Variants in ACTL8 observed in about 807,000 individuals in gnomAD.
The protein encoded by ACTL8 is actin like 8, also known as actin-like protein 8.
Under a neutral mutation model 9.3 loss-of-function variants are expected in ACTL8, and 3 were observed. The ratio of observed to expected loss-of-function variants is 0.32; its 90% confidence interval spans 0.15 to 0.83. The LOEUF (loss-of-function observed/expected upper bound fraction) is 0.83, where lower values mean the gene tolerates loss of function less well. ACTL8 is among the 40% of genes least tolerant of loss of function. The pLI, the probability that ACTL8 is intolerant of heterozygous loss-of-function variation, is 0.57. For synonymous variants in ACTL8, 224 were observed against 205.9 expected (o/e 1.09, Z -0.75); for missense variants, 381 against 492.2 (o/e 0.77, Z 2.14).
intron 2 of ACTL8, among the ~76,000 whole-genome samples, chr1:17,825,026 G>A: frequency 6.7e-6 from 1 of 149,692 alleles, no homozygotes; most frequent in Non-Finnish European, 1.5e-5. Context: ...GGATCTTTCT[G>A]CTTCTATGGG....
intron 1 of ACTL8, among the ~76,000 whole-genome samples, chr1:17,793,035 C>T (rs1419323293): frequency 1.3e-5 from 2 of 152,182 alleles, no homozygotes; most frequent in African/African-American, 4.8e-5. Context: ...GACAGTTGGT[C>T]CCCTCCCATC....
In ACTL8 at chr1:17,825,862, T is replaced by C. The variant is rs2053711683; in HGVS notation, c.444T>C (p.Val148=). The change falls in exon 3 of 3, where the codon GTT becomes GTC. Residue 148 remains valine (V), a synonymous_variant. Coordinates refer to ENST00000375406, the MANE Select transcript of ACTL8 (RefSeq NM_030812.3). ...CTGGCCTCCTGACCGGAGTGGTGGT[T>C]GATTCTGGCTATGGCCTGACCCGCG... is the stretch of plus-strand genomic sequence containing the variant. ...YASGLLTGVV[V]DSGYGLTRVQ... is the part of the protein sequence containing the mutation. The C allele has an allele frequency of 6.2e-7, 1 of 1,613,946 alleles. No homozygotes were observed. The highest frequency in any genetic ancestry group is 1.3e-5 in the African/African-American group (1 of 74,946).
intron 1 of ACTL8, among the ~76,000 whole-genome samples, chr1:17,787,866 C>T (rs1385105701): frequency 2.6e-5 from 4 of 152,178 alleles, no homozygotes; most frequent in African/African-American, 9.7e-5. Flanking sequence ...CACATTTACC[C>T]TGGTAATTTG....
intron 1 of ACTL8, among the ~76,000 whole-genome samples, chr1:17,819,470 C>T (rs993071039): frequency 6.6e-6 from 1 of 152,210 alleles, no homozygotes; most frequent in African/African-American, 2.4e-5. Context: ...CTGGCCAGGG[C>T]CAGGCCATGG....
Position 17,823,209 on chromosome 1 carries a change from C to T in ACTL8, c.201C>T (p.Ile67=), listed in dbSNP as rs143679369. The part of the protein sequence containing the change: ...ICHPDTFSYP[I]ERGRILNWEG... ...ATCCTGACACCTTTAGCTACCCCAT[C>T]GAGCGGGGCCGCATCCTCAACTGGG... Residue 67 remains isoleucine (I), a synonymous_variant, in exon 2 of 3, where the codon ATC becomes ATT. Transcript: ENST00000375406. The surrounding 1 kb of genome is among the most constrained non-coding windows in gnomAD (Gnocchi z 5.3). 109 of 1,614,184 alleles carry T rather than the reference C, an allele frequency of 6.8e-5. No homozygotes were observed. Among genetic ancestry groups the T allele is most frequent in the East Asian group, 1.3e-4 (6 of 44,864 alleles).
chr1:17,780,024 T>C lies in ACTL8; in HGVS notation c.-25+24520T>C, dbSNP rs984639847. Among the ~76,000 whole-genome samples the C allele has an allele frequency of 2.6e-5, 4 of 151,880 alleles. No homozygotes were observed. The South Asian group carries it at 8.3e-4, about 32-fold the overall frequency. ...GAGTTTGAGACCAGCCTGGGCAACA[T>C]AGGGAGACCCTTTCTCTACAAAAAA... On this transcript the variant is annotated intron_variant, in intron 1 of 2. Coordinates refer to ENST00000375406, the MANE Select transcript of ACTL8 (RefSeq NM_030812.3).
intron 1 of ACTL8, among the ~76,000 whole-genome samples, chr1:17,768,800 G>C (rs2066063803): frequency 6.6e-6 from 1 of 152,190 alleles, no homozygotes; most frequent in Non-Finnish European, 1.5e-5. Context: ...CTGACTCACT[G>C]CTAGGGAGTG....
intron 1 of ACTL8, among the ~76,000 whole-genome samples, chr1:17,789,905 C>T (rs529808713): frequency 6.6e-6 from 1 of 152,334 alleles, no homozygotes; most frequent in East Asian, 1.9e-4. Context: ...CTTAGGCCTG[C>T]TGGGCTCATT....
intron 1 of ACTL8, among the ~76,000 whole-genome samples, chr1:17,769,732 TAG>T (rs2102677659): frequency 6.6e-6 from 1 of 152,316 alleles, no homozygotes; most frequent in African/African-American, 2.4e-5. Flanking sequence ...GCTCAGCTCA[TAG>T]AGTCAACCCC....
intron 1 of ACTL8, among the ~76,000 whole-genome samples, chr1:17,789,979 A>G (rs939914477): frequency 2.0e-5 from 3 of 152,182 alleles, no homozygotes; most frequent in African/African-American, 7.2e-5. Context: ...CACGCCTGCC[A>G]AGGGAGAGTC....
At position 17,778,631 on chromosome 1, in the gene ACTL8, A is replaced by G. The variant is rs150183557; in HGVS notation, c.-25+23127A>G. 7.7e-3 allele frequency among the ~76,000 whole-genome samples: 1,166 copies of G among 152,100 alleles called. 44 individuals carry two copies. The highest frequency in any genetic ancestry group is 0.065 in the Admixed American group (993 of 15,276). ...TTCTAGTCGCACAGCTGTACCTTGG[A>G]TTTGCTGTGTGGCTTTAGGGAAGTT... On this transcript the variant is annotated intron_variant, in intron 1 of 2. Transcript: ENST00000375406.
intron 1 of ACTL8, among the ~76,000 whole-genome samples, chr1:17,816,496 G>A (rs2066427194): frequency 6.6e-6 from 1 of 152,190 alleles, no homozygotes. Flanking sequence ...GAGCCTCTGT[G>A]CCCAGCCTAA....
At chr1:17,816,053 G>T (rs577810662) in intron 1 of ACTL8, among the ~76,000 whole-genome samples, 1 of 152,234 alleles carries the variant, frequency 6.6e-6, no homozygotes, top group Admixed American at 6.5e-5. Flanking sequence ...AGTAAATCAA[G>T]CTGGTTAACA....
At chr1:17,815,167 G>C (rs182061455) in intron 1 of ACTL8, among the ~76,000 whole-genome samples, 1 of 152,190 alleles carries the variant, frequency 6.6e-6, no homozygotes, top group East Asian at 1.9e-4. Flanking sequence ...TAAGTAGTAG[G>C]CTATACCATA....
At chr1:17,790,908 C>T (rs1197012943) in intron 1 of ACTL8, among the ~76,000 whole-genome samples, 1 of 152,224 alleles carries the variant, frequency 6.6e-6, no homozygotes, top group South Asian at 2.1e-4. Flanking sequence ...ACCGTGTGCA[C>T]ATCTGGCTGG....
At chr1:17,819,876 G>A (rs897246658) in intron 1 of ACTL8, among the ~76,000 whole-genome samples, 5 of 151,966 alleles carry the variant, frequency 3.3e-5, no homozygotes, top group Non-Finnish European at 7.4e-5. Flanking sequence ...GGTGTGCATG[G>A]CTTGCACCTG....
chr1:17,774,804 C>T (rs532778007), intron 1 of ACTL8, among the ~76,000 whole-genome samples: 16 of 152,220 alleles, frequency 1.1e-4, no homozygotes, highest in South Asian at 8.3e-4. Flanking sequence ...CCCCTGGAGC[C>T]GCTGGAAGAG....
At chr1:17,820,689 C>T (rs11808791) in intron 1 of ACTL8, among the ~76,000 whole-genome samples, 3,453 of 152,038 alleles carry the variant, frequency 0.023, 127 homozygotes, top group African/African-American at 0.076. Context: ...TCCCTCAGCC[C>T]CCCCAGTAGC....
intron 1 of ACTL8, among the ~76,000 whole-genome samples, chr1:17,787,694 T>TA (rs1297340798): frequency 2.0e-5 from 3 of 151,694 alleles, no homozygotes; most frequent in African/African-American, 7.3e-5. Flanking sequence ...CCATAATAAA[T>TA]AGCACCAAGA....
Sources: gnomAD v4.1 joint callset for allele counts (sites outside exome capture counted in the v4.1 genomes callset) on GRCh38, gnomAD v4.1.1 for gene constraint, Gnocchi (gnomAD v3.1) non-coding constraint, MANE v1.5 for transcripts, NCBI Gene and HGNC (gene_info 2026-07-23, HGNC 2026-07-21) for gene names.